PRH1: variants seen among roughly 807,000 people sequenced by gnomAD.
The protein encoded by PRH1 is salivary acidic proline-rich phosphoprotein 1/2.
PRH1 carries 7 observed loss-of-function variants against 7.9 expected under a neutral mutation model. The observed-to-expected ratio is 0.89, with a 90% CI of 0.50 to 1.67. PRH1 has a LOEUF of 1.67. Among genes scored for constraint, PRH1 ranks in the 40% most tolerant of loss-of-function variants. The pLI is 0.00. For missense variants in PRH1, 109 were observed against 223.6 expected (o/e 0.49, Z 3.27); for synonymous variants, 45 against 80.8 (o/e 0.56, Z 2.38).
intron 1 of PRH1, chr12:11,061,667 G>C (rs1179845472): frequency 6.2e-7 from 1 of 1,614,002 alleles, no homozygotes; most frequent in African/African-American, 1.3e-5. Context: ...CCATGGAGCT[G>C]CATCTTTTTG....
intron 1 of PRH1, among the ~76,000 whole-genome samples, chr12:10,980,802 G>A (rs1037424398): frequency 6.6e-6 from 1 of 152,026 alleles, no homozygotes; most frequent in Non-Finnish European, 1.5e-5. Flanking sequence ...ATCAGGAGAG[G>A]GCAGCATCCT....
chr12:10,991,083 T>C (rs1053933970), intron 1 of PRH1, among the ~76,000 whole-genome samples: 17 of 152,206 alleles, frequency 1.1e-4, no homozygotes, highest in African/African-American at 3.9e-4. Context: ...GATTGACTTC[T>C]GAGCTGAAGA....
At chr12:11,038,363 T>A (rs763472676) in intron 1 of PRH1, among the ~76,000 whole-genome samples, 4 of 152,254 alleles carry the variant, frequency 2.6e-5, no homozygotes, top group Non-Finnish European at 5.9e-5. Flanking sequence ...TATGTCTTCT[T>A]GCTGACATTT....
chr12:11,162,963 G>C (rs1267574751), intron 1 of PRH1, among the ~76,000 whole-genome samples: 1 of 152,110 alleles, frequency 6.6e-6, no homozygotes, highest in African/African-American at 2.4e-5. Context: ...GAGAAAGATT[G>C]CTATATAGTA....
intron 2 of PRH1, among the ~76,000 whole-genome samples, chr12:10,966,076 T>C (rs1938486984): frequency 6.6e-6 from 1 of 152,126 alleles, no homozygotes. Context: ...ATTTCCAAAA[T>C]GGAAAATGCA....
chr12:11,042,908 C>G (rs530859886), intron 1 of PRH1, among the ~76,000 whole-genome samples: 5 of 151,970 alleles, frequency 3.3e-5, no homozygotes, highest in African/African-American at 4.8e-5. Flanking sequence ...GGATTACAGG[C>G]GTGAGCCACC....
rs150397675 is a variant in PRH1 at position 10,908,469 on chromosome 12, T to A, written c.-58-24194A>T. ...GTTTCCTAGAATCAGAAGAAAGGAGTGGCTTGAAGGAGAGAAGACTCCAAT... is the reference window on the plus strand; with the variant it reads ...GTTTCCTAGAATCAGAAGAAAGGAGAGGCTTGAAGGAGAGAAGACTCCAAT... On this transcript the variant is annotated intron_variant, in intron 2 of 3. Coordinates refer to the PRH1 transcript ENST00000539853. 3.6e-5 allele frequency: 58 copies of A among 1,613,478 alleles called. No individual in the cohort carries two copies. The African/African-American group carries it at 7.1e-4, about 20-fold the overall frequency.
chr12:10,909,478 A>G, intron 2 of PRH1: 2 of 575,264 alleles, frequency 3.5e-6, no homozygotes, highest in Non-Finnish European at 6.3e-6. Context: ...CGATCTTCAC[A>G]TAACTGTTCT....
At chr12:11,107,205 T>C (rs1278127066) in intron 1 of PRH1, among the ~76,000 whole-genome samples, 2 of 152,140 alleles carry the variant, frequency 1.3e-5, no homozygotes, top group Non-Finnish European at 1.5e-5. Context: ...TCTCCCTATG[T>C]TGCCCAGTCT....
At chr12:11,042,521 G>A (rs954883530) in intron 1 of PRH1, among the ~76,000 whole-genome samples, 1 of 145,834 alleles carries the variant, frequency 6.9e-6, no homozygotes, top group Admixed American at 6.8e-5. Flanking sequence ...GGGAGCAGAC[G>A]GCTTTAGATC....
chr12:10,925,567 G>A (rs972365938), intron 2 of PRH1, among the ~76,000 whole-genome samples: 6 of 152,138 alleles, frequency 3.9e-5, no homozygotes, highest in Non-Finnish European at 7.4e-5. Flanking sequence ...CACAAAAAAC[G>A]AATAAATTTG....
At chr12:11,034,690 G>A (rs1942361654) in intron 1 of PRH1, 1 of 152,078 alleles carries the variant, frequency 6.6e-6, no homozygotes, top group South Asian at 2.1e-4. Flanking sequence ...TGGGGCAGGA[G>A]CACCCAGGAG....
upstream of PRH1, among the ~76,000 whole-genome samples, chr12:11,047,673 A>C (rs929495381): frequency 6.6e-6 from 1 of 152,144 alleles, no homozygotes; most frequent in Non-Finnish European, 1.5e-5. Flanking sequence ...ACTACTATTA[A>C]ATCCAGTATC....
intron 1 of PRH1, among the ~76,000 whole-genome samples, chr12:11,107,820 C>A (rs1477688106): frequency 6.6e-6 from 1 of 152,160 alleles, no homozygotes; most frequent in Admixed American, 6.5e-5. Flanking sequence ...AAAAACAATG[C>A]TGGGTAAAAT....
chr12:11,067,024 T>C (rs1943850468), intron 1 of PRH1, among the ~76,000 whole-genome samples: 1 of 152,188 alleles, frequency 6.6e-6, no homozygotes, highest in Admixed American at 6.5e-5. Flanking sequence ...CTTCATTTCA[T>C]CTTTTAATAG....
chr12:11,103,815 A>T (rs906170958), intron 1 of PRH1, among the ~76,000 whole-genome samples: 1 of 151,854 alleles, frequency 6.6e-6, no homozygotes, highest in African/African-American at 2.4e-5. Context: ...TGTTAGTGGC[A>T]TTACTGTTAC....
At chr12:10,995,617 A>C in intron 1 of PRH1, among the ~76,000 whole-genome samples, 1 of 152,120 alleles carries the variant, frequency 6.6e-6, no homozygotes, top group East Asian at 1.9e-4. Context: ...CTTTAGATTG[A>C]GCTTCTTTTT....
intron 1 of PRH1, among the ~76,000 whole-genome samples, chr12:10,995,333 TAAAC>T (rs1940166991): frequency 6.7e-6 from 1 of 150,158 alleles, no homozygotes; most frequent in Non-Finnish European, 1.5e-5. Flanking sequence ...AGATATATGA[TAAAC>T]AAACAAATCA....
chr12:11,169,223 CTA>C (rs1485062460), intron 1 of PRH1, among the ~76,000 whole-genome samples: 1 of 152,176 alleles, frequency 6.6e-6, no homozygotes, highest in Non-Finnish European at 1.5e-5. Flanking sequence ...CATGAATACT[CTA>C]ATCATGAATT....
Sources: allele counts gnomAD v4.1 joint callset (sites outside exome capture counted in the v4.1 genomes callset), GRCh38; gene constraint gnomAD v4.1.1; transcripts MANE v1.5; gene names NCBI Gene and HGNC (gene_info 2026-07-23, HGNC 2026-07-21).